Variants in PCM1 observed in about 807,000 individuals in gnomAD.
The protein encoded by PCM1 is pericentriolar material 1, also known as pericentriolar material 1 protein.
Under a neutral mutation model 241.9 loss-of-function variants are expected in PCM1, and 157 were observed. The observed-to-expected ratio is 0.65, with a 90% CI of 0.57 to 0.74. The LOEUF (loss-of-function observed/expected upper bound fraction) is 0.74. PCM1 is among the 30% of genes least tolerant of loss of function. The pLI is 0.00. For missense variants in PCM1, 3,478 were observed against 2,360.1 expected (o/e 1.47, Z -9.81); for synonymous variants, 1,085 against 784.9 (o/e 1.38, Z -6.39).
chr8:18,001,778 T>C (rs2129483233), intron 29 of PCM1, among the ~76,000 whole-genome samples: 1 of 152,252 alleles, frequency 6.6e-6, no homozygotes, highest in East Asian at 1.9e-4. Flanking sequence ...GCAGAAGTAA[T>C]TGCTTTTTTT....
chr8:18,011,474 CT>C (rs1326788695), intron 33 of PCM1, 108 bp downstream of exon 33: 1 of 1,143,924 alleles, frequency 8.7e-7, no homozygotes, highest in African/African-American at 1.6e-5. Context: ...TCAAAGAACT[CT>C]GATTTTGAAT....
At chr8:17,962,648 C>G (rs1045138891) in intron 16 of PCM1, among the ~76,000 whole-genome samples, 1 of 152,094 alleles carries the variant, frequency 6.6e-6, no homozygotes. Context: ...CACCTATAAT[C>G]CCAGCACTTT....
chr8:17,967,280 A>T, intron 21 of PCM1, 110 bp downstream of exon 21: 1 of 715,644 alleles, frequency 1.4e-6, no homozygotes, highest in East Asian at 3.0e-5. Context: ...GGGGTAGGAA[A>T]TGTTTGCAAA....
Position 18,028,364 on chromosome 8 carries a change from T to C in PCM1, c.*702T>C, listed in dbSNP as rs2094363096. The C allele has an allele frequency of 5.2e-6, 1 of 191,554 alleles. No individual in the cohort carries two copies. The highest frequency in any genetic ancestry group is 1.9e-4 in the South Asian group (1 of 5,172). 11.9% of individuals were successfully genotyped at this position (191,554 alleles called of 1,614,324 possible). ...AAATTCTGGAAAATATTTATCTACA[T>C]CGCCTCAGACTAAAAGTAAAAAAAA... On this transcript the variant is annotated 3_prime_UTR_variant, in exon 39 of 39. Transcript: ENST00000325083.
intron 16 of PCM1, 54 bp from the exon 17 acceptor site, chr8:17,963,047 T>C (rs2086618062): frequency 7.3e-7 from 1 of 1,362,666 alleles, no homozygotes; most frequent in Non-Finnish European, 1.0e-6. Flanking sequence ...TTTACTCTTT[T>C]AGGCTACAGC....
At chr8:17,982,149 T>C (rs1383681670) in intron 24 of PCM1, among the ~76,000 whole-genome samples, 1 of 152,224 alleles carries the variant, frequency 6.6e-6, no homozygotes, top group Non-Finnish European at 1.5e-5. Flanking sequence ...AAAGCTGAAC[T>C]TAGAAGCTGG....
intron 8 of PCM1, among the ~76,000 whole-genome samples, chr8:17,952,523 A>T (rs893986470): frequency 2.0e-5 from 3 of 152,188 alleles, no homozygotes; most frequent in Admixed American, 1.3e-4. Flanking sequence ...CCAACCATGG[A>T]TCAGGAATAT....
chr8:17,928,802 T>G (rs2129446384), intron 2 of PCM1, among the ~76,000 whole-genome samples: 1 of 152,028 alleles, frequency 6.6e-6, no homozygotes, highest in Non-Finnish European at 1.5e-5. Context: ...TGGCTAATTT[T>G]TGTATTTTTA....
At chr8:17,923,511 C>T (rs959473288) in intron 1 of PCM1, among the ~76,000 whole-genome samples, 3 of 152,192 alleles carry the variant, frequency 2.0e-5, no homozygotes, top group Non-Finnish European at 4.4e-5. Context: ...GGCTATACCC[C>T]TTGCGGGCGG....
chr8:17,968,724 G>GTA (rs781291499), intron 21 of PCM1, among the ~76,000 whole-genome samples: 8 of 128,080 alleles, frequency 6.2e-5, no homozygotes, highest in Admixed American at 3.2e-4. Context: ...ATATATGGAT[G>GTA]TATATATGTG....
chr8:17,999,111 C>T (rs543036705), intron 29 of PCM1, among the ~76,000 whole-genome samples: 4 of 152,152 alleles, frequency 2.6e-5, no homozygotes, highest in South Asian at 2.1e-4. Flanking sequence ...TCTCGAATTG[C>T]GGATCCCAGG....
chr8:17,930,399 G>C (rs895318572), intron 2 of PCM1, among the ~76,000 whole-genome samples: 2 of 151,826 alleles, frequency 1.3e-5, no homozygotes, highest in African/African-American at 2.4e-5. Flanking sequence ...CACTGCGCCT[G>C]ACCGTTACTG....
intron 29 of PCM1, among the ~76,000 whole-genome samples, chr8:17,999,065 C>T (rs1319029871): frequency 6.6e-6 from 1 of 152,106 alleles, no homozygotes; most frequent in East Asian, 1.9e-4. Context: ...TCCTCTGGCC[C>T]AGGGCAGGTC....
At chr8:17,954,916 T>C (rs1028749841) in intron 9 of PCM1, among the ~76,000 whole-genome samples, 1 of 152,150 alleles carries the variant, frequency 6.6e-6, no homozygotes, top group Non-Finnish European at 1.5e-5. Context: ...CAGTCACTTT[T>C]AACACTTTTC....
chr8:17,999,266 G>A (rs532183311), intron 29 of PCM1, among the ~76,000 whole-genome samples: 9 of 152,082 alleles, frequency 5.9e-5, no homozygotes, highest in Non-Finnish European at 1.0e-4. Context: ...CTCACCTGAA[G>A]CCAGAACATC....
intron 18 of PCM1, 67 bp downstream of exon 18, chr8:17,964,835 C>G: frequency 2.5e-6 from 3 of 1,194,900 alleles, no homozygotes; most frequent in Non-Finnish European, 3.7e-6. Context: ...TGACAGCAAG[C>G]ACTTCTGCAG....
chr8:17,964,375 AG>A (rs1393305315), intron 17 of PCM1, among the ~76,000 whole-genome samples, 192 bp from the exon 18 acceptor site: 1 of 152,224 alleles, frequency 6.6e-6, no homozygotes, highest in Non-Finnish European at 1.5e-5. Flanking sequence ...GTTTTGAGGA[AG>A]GCAAACTAAA....
chr8:18,001,998 T>G (rs1233206502), intron 29 of PCM1, among the ~76,000 whole-genome samples: 199 of 7,632 alleles, frequency 0.026, no homozygotes, highest in African/African-American at 0.14. Context: ...AACCTTTCTT[T>G]TTTTTTTTTT....
intron 2 of PCM1, among the ~76,000 whole-genome samples, chr8:17,932,627 G>C (rs1287094789): frequency 1.3e-5 from 2 of 151,630 alleles, no homozygotes; most frequent in East Asian, 3.9e-4. Flanking sequence ...ATTTCTTTGA[G>C]ATTTTTTTTT....
Sources: allele counts gnomAD v4.1 joint callset (sites outside exome capture counted in the v4.1 genomes callset), GRCh38; gene constraint gnomAD v4.1.1; transcripts MANE v1.5; gene names NCBI Gene and HGNC (gene_info 2026-07-23, HGNC 2026-07-21).